The following PTPRT variants were observed in gnomAD, a reference collection of about 807,000 sequenced individuals.
PTPRT encodes the protein protein tyrosine phosphatase receptor type T, also known as receptor-type tyrosine-protein phosphatase T.
PTPRT carries 56 observed loss-of-function variants against 176.8 expected under a neutral mutation model. The ratio of observed to expected loss-of-function variants is 0.32; its 90% CI spans 0.26 to 0.40. The LOEUF is 0.40. Among genes scored for constraint, PTPRT ranks in the 10% least tolerant of loss-of-function variants. The pLI is 1.00. For missense variants in PTPRT, 1,540 were observed against 1,908.2 expected (o/e 0.81, Z 3.60); for synonymous variants, 783 against 739.0 (o/e 1.06, Z -0.96).
intron 7 of PTPRT, among the ~76,000 whole-genome samples, chr20:42,658,754 C>T (rs1019789307): frequency 6.6e-5 from 10 of 152,144 alleles, no homozygotes; most frequent in African/African-American, 1.9e-4. Flanking sequence ...ATGTCTCCCC[C>T]ATTAGTATTC....
intron 7 of PTPRT, among the ~76,000 whole-genome samples, chr20:42,603,174 C>G (rs561759534): frequency 6.6e-6 from 1 of 152,106 alleles, no homozygotes; most frequent in Non-Finnish European, 1.5e-5. Flanking sequence ...ATGGCACACA[C>G]AATTTCAGAG....
chr20:43,113,974 G>A (rs531774255), intron 1 of PTPRT, among the ~76,000 whole-genome samples: 3 of 152,262 alleles, frequency 2.0e-5, no homozygotes, highest in African/African-American at 7.2e-5. Context: ...GCAGACATTA[G>A]AAATTTCTAT....
At chr20:43,040,233 A>G (rs1986549913) in intron 1 of PTPRT, among the ~76,000 whole-genome samples, 1 of 152,258 alleles carries the variant, frequency 6.6e-6, no homozygotes, top group Non-Finnish European at 1.5e-5. Flanking sequence ...TCATCTATGC[A>G]GTAAGAAGAT....
At chr20:42,418,939 T>C (rs1181852292) in intron 9 of PTPRT, among the ~76,000 whole-genome samples, 1 of 152,158 alleles carries the variant, frequency 6.6e-6, no homozygotes, top group African/African-American at 2.4e-5. Flanking sequence ...AAGTAAAACA[T>C]CAGCTCCCAG....
At chr20:42,750,447 A>C (rs962322222) in intron 6 of PTPRT, among the ~76,000 whole-genome samples, 6 of 152,158 alleles carry the variant, frequency 3.9e-5, no homozygotes, top group African/African-American at 1.4e-4. Context: ...CAGAGTAAAT[A>C]CATGATTTGC....
At chr20:42,858,080 T>A (rs2078596429) in intron 2 of PTPRT, among the ~76,000 whole-genome samples, 1 of 152,214 alleles carries the variant, frequency 6.6e-6, no homozygotes, top group Admixed American at 6.5e-5. Context: ...CATGAATACG[T>A]GTTCCTCTTC....
intron 7 of PTPRT, among the ~76,000 whole-genome samples, chr20:42,516,263 A>T (rs916759947): frequency 6.6e-6 from 1 of 151,584 alleles, no homozygotes; most frequent in African/African-American, 2.4e-5. Flanking sequence ...ATAAAAAAAT[A>T]AATTAAAAAA....
At chr20:43,084,659 G>A (rs1024486559) in intron 1 of PTPRT, among the ~76,000 whole-genome samples, 10 of 152,170 alleles carry the variant, frequency 6.6e-5, no homozygotes, top group Non-Finnish European at 1.0e-4. Flanking sequence ...TTTAATCATC[G>A]TTTGTTATTG....
intron 11 of PTPRT, among the ~76,000 whole-genome samples, chr20:42,335,166 G>C (rs8125535): frequency 0.017 from 2,547 of 152,288 alleles, 68 homozygotes; most frequent in African/African-American, 0.057. Context: ...AGTGTGGACA[G>C]TGTGGAAGTA....
intron 6 of PTPRT, chr20:42,686,457 C>CTTTTTTTTTTTTTTTTTT (rs71193668): frequency 1.3e-5 from 1 of 78,314 alleles, no homozygotes; most frequent in Non-Finnish European, 2.3e-5. Context: ...ATAGTGCACT[C>CTTTTTTTTTTTTTTTTTT]TTTTTTTTTT....
At chr20:42,113,078 C>A (rs73131124) in intron 22 of PTPRT, among the ~76,000 whole-genome samples, 1 of 152,132 alleles carries the variant, frequency 6.6e-6, no homozygotes, top group Non-Finnish European at 1.5e-5. Flanking sequence ...GCTCAGGAAC[C>A]GATTTTGAGC....
chr20:43,130,506 T>C (rs1226242008), intron 1 of PTPRT, among the ~76,000 whole-genome samples: 2 of 152,024 alleles, frequency 1.3e-5, no homozygotes, highest in Non-Finnish European at 2.9e-5. Flanking sequence ...TCACGAACAA[T>C]GCAATTGCCT....
chr20:42,786,711 T>TTGTCTGG (rs1569156506), intron 3 of PTPRT, among the ~76,000 whole-genome samples: 1 of 152,176 alleles, frequency 6.6e-6, no homozygotes, highest in African/African-American at 2.4e-5. Flanking sequence ...CCCCATCCTG[T>TTGTCTGG]ACCCATTTGT....
At chr20:43,090,416 C>A (rs553593127) in intron 1 of PTPRT, among the ~76,000 whole-genome samples, 6 of 151,960 alleles carry the variant, frequency 3.9e-5, no homozygotes, top group African/African-American at 1.5e-4. Flanking sequence ...TACAGGCGCC[C>A]GCCACCACGC....
intron 17 of PTPRT, among the ~76,000 whole-genome samples, chr20:42,154,895 G>A (rs1989286850): frequency 6.6e-6 from 1 of 152,170 alleles, no homozygotes; most frequent in Non-Finnish European, 1.5e-5. Flanking sequence ...GGAGGATGCT[G>A]TGGTTCAGAA....
chr20:43,082,599 C>A (rs1200068002), intron 1 of PTPRT, among the ~76,000 whole-genome samples: 1 of 152,114 alleles, frequency 6.6e-6, no homozygotes, highest in Non-Finnish European at 1.5e-5. Context: ...CTCCCTCCCC[C>A]TGTTTTTTCA....
chr20:42,420,022 G>T (rs1401197079), intron 9 of PTPRT, among the ~76,000 whole-genome samples: 1 of 152,142 alleles, frequency 6.6e-6, no homozygotes, highest in Non-Finnish European at 1.5e-5. Flanking sequence ...CTTCGGAGGG[G>T]GTGGGGACCT....
chr20:42,890,524 C>T (rs1014971711), intron 1 of PTPRT, among the ~76,000 whole-genome samples: 2 of 152,178 alleles, frequency 1.3e-5, no homozygotes, highest in Non-Finnish European at 2.9e-5. Flanking sequence ...AACTGGAACT[C>T]TCAGAAACCA....
chr20:42,633,921 TAA>T (rs1387061080), intron 7 of PTPRT, among the ~76,000 whole-genome samples: 1 of 55,534 alleles, frequency 1.8e-5, no homozygotes, highest in Non-Finnish European at 3.2e-5. Context: ...TAATTATATA[TAA>T]TATATTATAA....
Sources: allele counts gnomAD v4.1 joint callset (sites outside exome capture counted in the v4.1 genomes callset), GRCh38; gene constraint gnomAD v4.1.1; transcripts MANE v1.5; gene names NCBI Gene and HGNC (gene_info 2026-07-23, HGNC 2026-07-21).